The following ATP6V1A variants were observed in gnomAD, a reference collection of about 807,000 sequenced individuals.
ATP6V1A encodes ATPase H+ transporting V1 subunit A, also known as V-type proton ATPase catalytic subunit A.
Under a neutral mutation model 70.1 loss-of-function variants are expected in ATP6V1A, and 18 were observed. That is an observed-to-expected ratio of 0.26 (90% CI 0.18 to 0.38). The LOEUF is 0.38. ATP6V1A is among the 10% of genes least tolerant of loss of function. ATP6V1A has a pLI of 1.00. For synonymous variants in ATP6V1A, 232 were observed against 253.8 expected, an observed-to-expected ratio of 0.91 and a Z score of 0.82; for missense variants, 424 against 772.4, an observed-to-expected ratio of 0.55 and a Z score of 5.35.
intron 1 of ATP6V1A, among the ~76,000 whole-genome samples, chr3:113,767,118 G>A (rs1380108654): frequency 7.4e-6 from 1 of 135,564 alleles, no homozygotes; most frequent in Non-Finnish European, 1.5e-5. Context: ...TTGAGACAGA[G>A]TCTTGCTCTG....
At chr3:113,771,727 G>T (rs182361480) in intron 1 of ATP6V1A, among the ~76,000 whole-genome samples, 1 of 151,954 alleles carries the variant, frequency 6.6e-6, no homozygotes. Context: ...ATGACCCACC[G>T]CGCCCGGCCT....
Position 113,778,833 on chromosome 3 carries a change from C to A in ATP6V1A, c.80C>A (p.Pro27His). 2 of 1,561,802 alleles carry A rather than the reference C, an allele frequency of 1.3e-6. No individual in the cohort carries two copies. The highest frequency in any genetic ancestry group is 1.9e-5 in the Admixed American group (1 of 52,408). Residue 27 changes from proline (P) to histidine (H), a missense_variant and splice_region_variant, in exon 2 of 15, where the codon CCT becomes CAT. Around this residue, in one of 9 missense-constraint regions of ATP6V1A, gnomAD observed 31 missense variants for 78.6 expected, o/e 0.39. Coordinates refer to ENST00000273398, the MANE Select transcript of ATP6V1A (RefSeq NM_001690.4). ...GGTTATGTGCATGGGGTCTCAGGAC[C>A]TGGTAAGTAATACATCATAATCTCA... ...TFGYVHGVSG[P>H]VVTACDMAGA...
intron 14 of ATP6V1A, among the ~76,000 whole-genome samples, chr3:113,808,941 C>CA (rs1185648241): frequency 1.3e-5 from 2 of 152,038 alleles, no homozygotes; most frequent in Non-Finnish European, 2.9e-5. Flanking sequence ...ACCTAGTACT[C>CA]AAAATATATA....
chr3:113,761,619 G>A (rs554438297), intron 1 of ATP6V1A, among the ~76,000 whole-genome samples: 3 of 150,586 alleles, frequency 2.0e-5, no homozygotes, highest in East Asian at 2.0e-4. Flanking sequence ...GCCTGTAATC[G>A]CAGCTACTCT....
At chr3:113,788,580 A>T in intron 6 of ATP6V1A, 133 bp from the exon 7 acceptor site, 1 of 690,226 alleles carries the variant, frequency 1.4e-6, no homozygotes, top group Non-Finnish European at 2.3e-6. Flanking sequence ...TCCTCACTTC[A>T]GATGATCCAC....
At chr3:113,785,207 C>T (rs1021409950) in intron 5 of ATP6V1A, among the ~76,000 whole-genome samples, 2 of 151,968 alleles carry the variant, frequency 1.3e-5, no homozygotes, top group African/African-American at 2.4e-5. Flanking sequence ...TTTGGGAGGG[C>T]GAGATGGGCA....
rs1035872515 is a variant in ATP6V1A, at chr3:113,810,915, T to C, written c.*1488T>C. 6.6e-6 allele frequency: 1 copy of C among 152,238 alleles called. No individual in the cohort carries two copies. Among genetic ancestry groups the C allele is most frequent in the Non-Finnish European group, 1.5e-5 (1 of 68,044 alleles). 9.4% of individuals were successfully genotyped at this position (152,238 alleles called of 1,614,324 possible). On this transcript the variant is annotated 3_prime_UTR_variant, in exon 15 of 15. Coordinates refer to ENST00000273398, the MANE Select transcript of ATP6V1A (RefSeq NM_001690.4). ...CAGAATATCTATGGCCACAGCAGCA[T>C]ACCAGTTTCCATCCTAATAGGAATG... is the stretch of plus-strand genomic sequence containing the variant.
At chr3:113,750,385 G>A (rs1244338869) in intron 1 of ATP6V1A, among the ~76,000 whole-genome samples, 2 of 152,210 alleles carry the variant, frequency 1.3e-5, no homozygotes, top group Non-Finnish European at 1.5e-5. Context: ...AGGAGGCTGA[G>A]GCAGGAGAAT....
intron 12 of ATP6V1A, among the ~76,000 whole-genome samples, chr3:113,800,437 T>C (rs1228244366): frequency 6.6e-6 from 1 of 152,034 alleles, no homozygotes; most frequent in Non-Finnish European, 1.5e-5. Flanking sequence ...AGCGGACCAG[T>C]GGAGCAGAAT....
chr3:113,772,696 C>G (rs535905444), intron 1 of ATP6V1A, among the ~76,000 whole-genome samples: 154 of 150,214 alleles, frequency 1.0e-3, no homozygotes, highest in Non-Finnish European at 1.8e-3. Flanking sequence ...CCACTGCACT[C>G]CAGCCTGGGC....
At chr3:113,761,793 A>G (rs1172820900) in intron 1 of ATP6V1A, among the ~76,000 whole-genome samples, 2 of 141,602 alleles carry the variant, frequency 1.4e-5, no homozygotes, top group Non-Finnish European at 3.1e-5. Context: ...GTAGTCATAC[A>G]GTTTCTAGTT....
chr3:113,801,738 G>A (rs1417687177), intron 12 of ATP6V1A, among the ~76,000 whole-genome samples: 1 of 152,168 alleles, frequency 6.6e-6, no homozygotes, highest in Admixed American at 6.5e-5. Context: ...TTGCACAGCA[G>A]CATGGGTGGA....
chr3:113,786,951 T>C (rs1659206978), intron 6 of ATP6V1A, among the ~76,000 whole-genome samples: 1 of 152,102 alleles, frequency 6.6e-6, no homozygotes. Context: ...GCTAATTTTT[T>C]GTATTTTTGG....
At chr3:113,777,267 A>G (rs1255989651) in intron 1 of ATP6V1A, among the ~76,000 whole-genome samples, 1 of 152,248 alleles carries the variant, frequency 6.6e-6, no homozygotes, top group East Asian at 1.9e-4. Context: ...TGTGTGTTCC[A>G]CTAAAAGAAA....
intron 6 of ATP6V1A, 120 bp from the exon 7 acceptor site, chr3:113,788,593 G>A (rs1709061185): frequency 1.5e-5 from 12 of 819,080 alleles, no homozygotes; most frequent in African/African-American, 3.5e-5. Context: ...TGATCCACCC[G>A]CTTCGGCCCC....
intron 12 of ATP6V1A, among the ~76,000 whole-genome samples, chr3:113,799,784 GATGTTCTCAATAGCA>G (rs1709189442): frequency 6.6e-6 from 1 of 152,090 alleles, no homozygotes; most frequent in African/African-American, 2.4e-5. Flanking sequence ...GTAAAAATAA[GATGTTCTCAATAGCA>G]ACAAAAACTA....
intron 1 of ATP6V1A, among the ~76,000 whole-genome samples, chr3:113,774,833 A>G (rs1018855587): frequency 6.6e-6 from 1 of 152,036 alleles, no homozygotes; most frequent in Non-Finnish European, 1.5e-5. Context: ...GAAAAGAAAA[A>G]AAAAAAGCAG....
chr3:113,807,991 G>A (rs949901640), intron 14 of ATP6V1A, among the ~76,000 whole-genome samples: 15 of 151,890 alleles, frequency 9.9e-5, no homozygotes, highest in Non-Finnish European at 2.1e-4. Context: ...TTAGCTGGGC[G>A]TGATGGTGCA....
At chr3:113,778,369 G>C (rs1438975426) in intron 1 of ATP6V1A, among the ~76,000 whole-genome samples, 8 of 152,118 alleles carry the variant, frequency 5.3e-5, no homozygotes, top group Non-Finnish European at 1.2e-4. Context: ...ACTCCAGCCT[G>C]GGTGGTGGAG....
Sources: gnomAD v4.1 joint callset for allele counts (sites outside exome capture counted in the v4.1 genomes callset) on GRCh38, gnomAD v4.1.1 for gene constraint, gnomAD v4.1.1 regional missense constraint, MANE v1.5 for transcripts, NCBI Gene and HGNC (gene_info 2026-07-23, HGNC 2026-07-21) for gene names.